Variants in GUCY1A2 observed in about 807,000 individuals in gnomAD.
GUCY1A2 encodes the protein guanylate cyclase soluble subunit alpha-2.
Under a neutral mutation model 63.5 loss-of-function variants are expected in GUCY1A2, and 27 were observed. The observed-to-expected ratio is 0.43, with a 90% CI of 0.31 to 0.59. The LOEUF (loss-of-function observed/expected upper bound fraction) is 0.59, where lower values mean the gene tolerates loss of function less well. Ranked by LOEUF, GUCY1A2 falls within the 20% of genes least tolerant of loss-of-function variation. The pLI, the probability that GUCY1A2 is intolerant of heterozygous loss-of-function variation, is 0.11. For missense variants in GUCY1A2, 768 were observed against 913.3 expected (o/e 0.84, Z 2.05); for synonymous variants, 364 against 343.5 (o/e 1.06, Z -0.66).
At chr11:106,720,525 C>CT (rs1020997863) in intron 6 of GUCY1A2, among the ~76,000 whole-genome samples, 4 of 151,906 alleles carry the variant, frequency 2.6e-5, no homozygotes, top group Non-Finnish European at 4.4e-5. Context: ...TTTCTTAACC[C>CT]TTTTTTTTCA....
intron 3 of GUCY1A2, among the ~76,000 whole-genome samples, chr11:106,966,465 T>C (rs1305784231): frequency 6.6e-6 from 1 of 152,196 alleles, no homozygotes; most frequent in African/African-American, 2.4e-5. Flanking sequence ...TATTTGTTAC[T>C]TGTCTGTAGT....
intron 3 of GUCY1A2, among the ~76,000 whole-genome samples, chr11:106,976,970 T>C (rs532222530): frequency 3.9e-4 from 59 of 152,158 alleles, no homozygotes; most frequent in Admixed American, 2.1e-3. Flanking sequence ...TCCGTGGGAA[T>C]TGTGCACACT....
chr11:106,793,271 A>G (rs533207671), intron 5 of GUCY1A2, among the ~76,000 whole-genome samples: 1 of 152,306 alleles, frequency 6.6e-6, no homozygotes, highest in South Asian at 2.1e-4. Flanking sequence ...TCTTCTCTTC[A>G]ATAAATTGGT....
chr11:106,736,825 G>C (rs1863597927), intron 6 of GUCY1A2, among the ~76,000 whole-genome samples: 1 of 152,008 alleles, frequency 6.6e-6, no homozygotes, highest in Non-Finnish European at 1.5e-5. Context: ...AGTTTTTAAA[G>C]GTAGAAAGTA....
chr11:106,875,985 T>C (rs1479074699), intron 4 of GUCY1A2, among the ~76,000 whole-genome samples: 2 of 151,878 alleles, frequency 1.3e-5, no homozygotes, highest in Non-Finnish European at 2.9e-5. Flanking sequence ...AGTAAAAAGG[T>C]GAATCCTTTT....
chr11:106,744,261 T>C (rs1863748145), intron 6 of GUCY1A2, among the ~76,000 whole-genome samples: 1 of 149,648 alleles, frequency 6.7e-6, no homozygotes, highest in South Asian at 2.1e-4. Flanking sequence ...TTTTTTTTTT[T>C]TTTGAGACGG....
At position 106,680,557 on chromosome 11, in the gene GUCY1A2, A is replaced by G. The variant is rs1862415723; in HGVS notation, c.*6992T>C. 5.1e-6 allele frequency: 1 copy of G among 196,968 alleles called. No homozygotes were observed. Among genetic ancestry groups the G allele is most frequent in the Non-Finnish European group, 1.1e-5 (1 of 95,110 alleles). 12.2% of individuals were successfully genotyped at this position (196,968 alleles called of 1,614,324 possible). ...ACTAGCTGAATTAACTGGAAGGATA[A>G]CTTCAGTGTAATTTAATAGATTCAA... On this transcript the variant is annotated 3_prime_UTR_variant, in exon 8 of 8. Transcript: ENST00000526355.
chr11:106,728,345 A>G (rs980285153), intron 6 of GUCY1A2, among the ~76,000 whole-genome samples: 1 of 152,156 alleles, frequency 6.6e-6, no homozygotes, highest in Middle Eastern at 3.2e-3. Flanking sequence ...CCTCTCTGCT[A>G]TCCCAGTTTC....
At chr11:106,705,400 A>G (rs1297800057) in intron 7 of GUCY1A2, among the ~76,000 whole-genome samples, 1 of 152,210 alleles carries the variant, frequency 6.6e-6, no homozygotes, top group African/African-American at 2.4e-5. Flanking sequence ...GAATTTCCAA[A>G]GAAAGATGCT....
chr11:106,816,329 A>G (rs1283283351), intron 4 of GUCY1A2, among the ~76,000 whole-genome samples: 1 of 151,958 alleles, frequency 6.6e-6, no homozygotes, highest in African/African-American at 2.4e-5. Flanking sequence ...AAGACAACAG[A>G]AAAATCCCTA....
chr11:106,815,048 T>C (rs1858812872), intron 4 of GUCY1A2, among the ~76,000 whole-genome samples: 1 of 152,080 alleles, frequency 6.6e-6, no homozygotes, highest in Non-Finnish European at 1.5e-5. Context: ...ATAAATTCTT[T>C]TTAAATGAAT....
At chr11:106,794,087 C>A (rs1452324098) in intron 5 of GUCY1A2, among the ~76,000 whole-genome samples, 1 of 152,064 alleles carries the variant, frequency 6.6e-6, no homozygotes, top group Non-Finnish European at 1.5e-5. Flanking sequence ...CAAGATGTAA[C>A]ATCAACCTGT....
intron 1 of GUCY1A2, among the ~76,000 whole-genome samples, chr11:107,005,254 A>C (rs1232043770): frequency 6.6e-6 from 1 of 152,162 alleles, no homozygotes; most frequent in African/African-American, 2.4e-5. Flanking sequence ...ATAATTTGGT[A>C]ATTTTTTAAA....
intron 4 of GUCY1A2, among the ~76,000 whole-genome samples, chr11:106,847,385 T>G (rs996581251): frequency 4.6e-5 from 7 of 151,448 alleles, no homozygotes; most frequent in African/African-American, 1.7e-4. Flanking sequence ...TGCTGTAAGA[T>G]AGTTGTAAGA....
rs552734290 is a variant in GUCY1A2, at chr11:106,991,864, C to T, written c.304-5733G>A. ...TGCTAACATGCACATAAAAATACAA[C>T]AGCTAGAATGACTACCGTGTTTTAC... On this transcript the variant is annotated intron_variant, in intron 1 of 7. Transcript: ENST00000526355. Among the ~76,000 whole-genome samples the T allele has an allele frequency of 1.9e-4, 29 of 152,324 alleles. No homozygotes were observed. The South Asian group carries it at 5.8e-3, about 30-fold the overall frequency.
intron 4 of GUCY1A2, among the ~76,000 whole-genome samples, chr11:106,812,211 C>T (rs1858771318): frequency 6.6e-6 from 1 of 151,748 alleles, no homozygotes; most frequent in South Asian, 2.1e-4. Context: ...GCGCAAAAAC[C>T]TTGATAAGCT....
intron 4 of GUCY1A2, among the ~76,000 whole-genome samples, chr11:106,816,336 C>T (rs925127358): frequency 6.6e-6 from 1 of 151,306 alleles, no homozygotes; most frequent in Non-Finnish European, 1.5e-5. Flanking sequence ...CAGAAAAATC[C>T]CTAACAATGT....
intron 6 of GUCY1A2, among the ~76,000 whole-genome samples, chr11:106,714,166 C>A (rs527908473): frequency 6.6e-6 from 1 of 151,818 alleles, no homozygotes; most frequent in South Asian, 2.1e-4. Context: ...CCGAAAAATG[C>A]TGAAGACAAA....
At chr11:106,873,683 G>A (rs1591309996) in intron 4 of GUCY1A2, among the ~76,000 whole-genome samples, 1 of 151,864 alleles carries the variant, frequency 6.6e-6, no homozygotes, top group African/African-American at 2.4e-5. Flanking sequence ...TTGTCAGATG[G>A]GTAGATTGCA....
Sources: allele counts gnomAD v4.1 joint callset (sites outside exome capture counted in the v4.1 genomes callset), GRCh38; gene constraint gnomAD v4.1.1; transcripts MANE v1.5; gene names NCBI Gene and HGNC (gene_info 2026-07-23, HGNC 2026-07-21).